BMPER: variants seen among roughly 807,000 people sequenced by gnomAD.
The protein encoded by BMPER is BMP binding endothelial regulator.
BMPER carries 45 observed loss-of-function variants against 87.3 expected under a neutral mutation model. The ratio of observed to expected loss-of-function variants is 0.52; its 90% CI spans 0.41 to 0.66. The LOEUF is 0.66. Ranked by LOEUF, BMPER falls within the 30% of genes least tolerant of loss-of-function variation. BMPER has a pLI of 0.00. For synonymous variants in BMPER, 326 were observed against 316.2 expected (o/e 1.03, Z -0.33); for missense variants, 784 against 867.5 (o/e 0.90, Z 1.21).
chr7:34,075,730 G>A (rs1303856947), intron 11 of BMPER, among the ~76,000 whole-genome samples: 1 of 152,180 alleles, frequency 6.6e-6, no homozygotes, highest in Admixed American at 6.5e-5. Flanking sequence ...TCATTTCACT[G>A]GGTCCACTGG....
chr7:34,050,012 C>G (rs925514725), intron 7 of BMPER, among the ~76,000 whole-genome samples: 8 of 152,148 alleles, frequency 5.3e-5, no homozygotes, highest in African/African-American at 1.9e-4. Flanking sequence ...CTGTGCACAG[C>G]TTTCTGATGC....
At chr7:33,971,524 A>G (rs1378405338) in intron 5 of BMPER, among the ~76,000 whole-genome samples, 1 of 152,090 alleles carries the variant, frequency 6.6e-6, no homozygotes, top group Non-Finnish European at 1.5e-5. Context: ...TCCATTATCC[A>G]GTTGTTCTGT....
chr7:33,915,137 G>T (rs1248050222), intron 2 of BMPER, among the ~76,000 whole-genome samples: 1 of 152,068 alleles, frequency 6.6e-6, no homozygotes, highest in African/African-American at 2.4e-5. Flanking sequence ...CTTAACAAAA[G>T]TGAATAAATA....
At chr7:33,929,547 C>A (rs911329397) in intron 2 of BMPER, among the ~76,000 whole-genome samples, 7 of 152,286 alleles carry the variant, frequency 4.6e-5, no homozygotes, top group Non-Finnish European at 1.0e-4. Context: ...GGGTGCTCAA[C>A]AAAGGCAAAC....
In BMPER at chr7:34,046,829, T is replaced by G. The variant is rs741307; in HGVS notation, c.676+424T>G. Among the ~76,000 whole-genome samples, 71 of 152,128 alleles carry G rather than the reference T, an allele frequency of 4.7e-4. 1 individual carries two copies. In the South Asian group the frequency reaches 0.014, roughly 31 times the overall value. On this transcript the variant is annotated intron_variant, in intron 7 of 14. Transcript: ENST00000649409. ...GAAACACATGCAAGAAAATGAGAGTTTTGGAAGGAAATAGTGAATAATAGC... is the reference window on the plus strand; with the variant it reads ...GAAACACATGCAAGAAAATGAGAGTGTTGGAAGGAAATAGTGAATAATAGC...
At chr7:34,010,990 G>A (rs1471145289) in intron 6 of BMPER, among the ~76,000 whole-genome samples, 1 of 151,788 alleles carries the variant, frequency 6.6e-6, no homozygotes, top group Non-Finnish European at 1.5e-5. Context: ...GAATTTAAGA[G>A]GAATTTCCTT....
At chr7:33,993,706 A>C (rs1381389478) in intron 6 of BMPER, among the ~76,000 whole-genome samples, 3 of 151,754 alleles carry the variant, frequency 2.0e-5, no homozygotes, top group Non-Finnish European at 4.4e-5. Context: ...TGCTTTTTAG[A>C]GTTTCCAGTT....
chr7:34,014,017 C>G (rs1416040362), intron 6 of BMPER, among the ~76,000 whole-genome samples: 2 of 151,982 alleles, frequency 1.3e-5, no homozygotes, highest in Admixed American at 1.3e-4. Flanking sequence ...TTCATTGCCT[C>G]TTCTCTGATT....
At chr7:34,055,133 T>G in intron 8 of BMPER, 30 bp from the exon 9 acceptor site, 1 of 1,614,070 alleles carries the variant, frequency 6.2e-7, no homozygotes, top group Non-Finnish European at 8.5e-7. Context: ...AAAATCATTT[T>G]TAATTTCTAT....
chr7:33,975,670 T>C (rs567810406), intron 6 of BMPER, among the ~76,000 whole-genome samples: 2 of 152,182 alleles, frequency 1.3e-5, no homozygotes, highest in Non-Finnish European at 2.9e-5. Flanking sequence ...TAATCTGTTA[T>C]AATAAAGAAC....
chr7:34,084,033 G>A (rs1249293268), intron 12 of BMPER, among the ~76,000 whole-genome samples: 1 of 150,718 alleles, frequency 6.6e-6, no homozygotes, highest in Admixed American at 6.6e-5. Context: ...GCCGCATGCA[G>A]TGGCTCACGC....
At chr7:33,994,052 A>G (rs905960604) in intron 6 of BMPER, among the ~76,000 whole-genome samples, 5 of 152,332 alleles carry the variant, frequency 3.3e-5, no homozygotes, top group African/African-American at 1.2e-4. Context: ...TTAAGTCTGC[A>G]GAGGTTACTG....
At chr7:34,068,484 A>G (rs1788653460) in intron 11 of BMPER, among the ~76,000 whole-genome samples, 1 of 152,226 alleles carries the variant, frequency 6.6e-6, no homozygotes, top group Admixed American at 6.5e-5. Context: ...ATGGAGACTC[A>G]AGTCCCCAGG....
At chr7:34,086,979 C>A (rs1484131131) in intron 13 of BMPER, among the ~76,000 whole-genome samples, 2 of 152,160 alleles carry the variant, frequency 1.3e-5, no homozygotes, top group African/African-American at 4.8e-5. Context: ...AATTAGAAAA[C>A]TCCTGTGGTC....
chr7:34,100,794 T>C (rs1434187543), intron 13 of BMPER, among the ~76,000 whole-genome samples: 1 of 152,190 alleles, frequency 6.6e-6, no homozygotes, highest in South Asian at 2.1e-4. Context: ...GTCAGGGCCA[T>C]GTTCCTTTGC....
At chr7:34,003,975 T>C (rs76532606) in intron 6 of BMPER, among the ~76,000 whole-genome samples, 1 of 152,080 alleles carries the variant, frequency 6.6e-6, no homozygotes, top group African/African-American at 2.4e-5. Flanking sequence ...TTGGCTATTA[T>C]TCTTCAAATA....
intron 13 of BMPER, among the ~76,000 whole-genome samples, chr7:34,102,525 C>G (rs1200456043): frequency 6.6e-6 from 1 of 152,160 alleles, no homozygotes; most frequent in Non-Finnish European, 1.5e-5. Context: ...TTGAGAACCA[C>G]TGGTTTAGAC....
At chr7:34,051,550 C>T (rs2127960263) in intron 7 of BMPER, among the ~76,000 whole-genome samples, 1 of 152,276 alleles carries the variant, frequency 6.6e-6, no homozygotes, top group South Asian at 2.1e-4. Context: ...TGAGTTTGCC[C>T]TTTCACTAGA....
In BMPER at chr7:34,153,185, A is replaced by G; in HGVS notation, c.1970A>G (p.Lys657Arg). ...DNWNEIGPCN[K>R]PCVAGCHCPA... ...TGGAATGAAATTGGTCCATGCAACA[A>G]GCCGTGCGTTGCTGGGTGCCACTGT... Residue 657 changes from lysine to arginine, a missense_variant, in exon 15 of 15, where the codon AAG becomes AGG. Physicochemically the swap from Lys to Arg is conservative, Grantham distance 26 (BLOSUM62 2). Coordinates refer to ENST00000649409, the MANE Select transcript of BMPER (RefSeq NM_001365308.1). The G allele has an allele frequency of 6.2e-7, 1 of 1,613,906 alleles. No individual in the cohort carries two copies. Among genetic ancestry groups the G allele is most frequent in the East Asian group, 2.2e-5 (1 of 44,880 alleles).
Sources: allele counts gnomAD v4.1 joint callset (sites outside exome capture counted in the v4.1 genomes callset), GRCh38; gene constraint gnomAD v4.1.1; transcripts MANE v1.5; gene names NCBI Gene and HGNC (gene_info 2026-07-23, HGNC 2026-07-21).